Variants in NEMF observed in about 807,000 individuals in gnomAD.
The protein encoded by NEMF is nuclear export mediator factor, also known as ribosome quality control complex subunit NEMF.
Under a neutral mutation model 162.2 loss-of-function variants are expected in NEMF, and 89 were observed. The observed-to-expected ratio is 0.55, with a 90% CI of 0.46 to 0.65. The LOEUF is 0.65. Ranked by LOEUF, NEMF falls within the 30% of genes least tolerant of loss-of-function variation. The probability of loss-of-function intolerance (pLI) is 0.00; values close to 1 mark genes in which losing one functional copy is unlikely to be tolerated. For synonymous variants in NEMF, 421 were observed against 404.5 expected, an observed-to-expected ratio of 1.04 and a Z score of -0.49; for missense variants, 1,133 against 1,261.9, an observed-to-expected ratio of 0.90 and a Z score of 1.55.
intron 3 of NEMF, 92 bp downstream of exon 3, chr14:49,851,471 C>T (rs1401969727): frequency 4.8e-6 from 4 of 834,308 alleles, no homozygotes; most frequent in Non-Finnish European, 6.0e-6. Flanking sequence ...TTTATCTGCA[C>T]TTTATTCGTA....
intron 16 of NEMF, among the ~76,000 whole-genome samples, chr14:49,817,436 T>C (rs553330195): frequency 1.1e-4 from 17 of 152,022 alleles, no homozygotes; most frequent in Non-Finnish European, 2.4e-4. Context: ...CAAGACTATG[T>C]CTCAAAAAAC....
intron 25 of NEMF, among the ~76,000 whole-genome samples, chr14:49,799,060 A>T (rs1281047239): frequency 6.6e-6 from 1 of 151,110 alleles, no homozygotes; most frequent in Non-Finnish European, 1.5e-5. Context: ...CAAAAACTAT[A>T]AAAATTTTTG....
At chr14:49,795,504 T>A (rs886433603) in intron 26 of NEMF, among the ~76,000 whole-genome samples, 1 of 152,012 alleles carries the variant, frequency 6.6e-6, no homozygotes, top group Non-Finnish European at 1.5e-5. Context: ...TCAATAAATA[T>A]CAGCTCTGCT....
chr14:49,827,143 G>C (rs1238631102), intron 15 of NEMF, among the ~76,000 whole-genome samples: 1 of 152,084 alleles, frequency 6.6e-6, no homozygotes, highest in Non-Finnish European at 1.5e-5. Context: ...GTATTAAGAT[G>C]GGAAGCAACT....
intron 16 of NEMF, among the ~76,000 whole-genome samples, chr14:49,815,926 T>C (rs1322069287): frequency 6.6e-6 from 1 of 151,962 alleles, no homozygotes; most frequent in African/African-American, 2.4e-5. Context: ...ATGGCACCCC[T>C]GCACTCCAGC....
At position 49,787,979 on chromosome 14, in the gene NEMF, C is replaced by T. The variant is rs192484311; in HGVS notation, c.2895+1167G>A. Among the ~76,000 whole-genome samples, 566 of 152,092 alleles carry T rather than the reference C, an allele frequency of 3.7e-3. 3 individuals carry two copies. The highest frequency in any genetic ancestry group is 0.013 in the African/African-American group (524 of 41,510). Reference sequence around the variant, plus strand: ...TTTTTATCTGGCCTCTATTTTAAGCCGTTATTAAAAAATAAACAGGCTGGG... The same window carrying T: ...TTTTTATCTGGCCTCTATTTTAAGCTGTTATTAAAAAATAAACAGGCTGGG... On this transcript the variant is annotated intron_variant, in intron 28 of 32. Coordinates refer to ENST00000298310, the MANE Select transcript of NEMF (RefSeq NM_004713.6).
At chr14:49,791,370 C>T (rs1010699191) in intron 26 of NEMF, among the ~76,000 whole-genome samples, 2 of 152,068 alleles carry the variant, frequency 1.3e-5, no homozygotes, top group Admixed American at 6.6e-5. Context: ...AAGCATGAGC[C>T]TTCTGGGATG....
chr14:49,800,388 C>G (rs528197597), intron 23 of NEMF, 32 bp downstream of exon 23: 1 of 1,479,820 alleles, frequency 6.8e-7, no homozygotes, highest in South Asian at 1.3e-5. Flanking sequence ...TCAGCTTACA[C>G]AATAATATGT....
intron 4 of NEMF, among the ~76,000 whole-genome samples, chr14:49,842,429 G>A (rs1893260670): frequency 6.6e-6 from 1 of 151,924 alleles, no homozygotes; most frequent in African/African-American, 2.4e-5. Flanking sequence ...AAAAAGAAGG[G>A]GGAACATAAT....
chr14:49,849,544 C>T (rs1253263573), intron 3 of NEMF: 2 of 152,232 alleles, frequency 1.3e-5, no homozygotes, highest in African/African-American at 2.4e-5. Context: ...ACATTGTCTG[C>T]TCCATTGAGG....
chr14:49,852,178 A>G (rs1019197027), intron 1 of NEMF, among the ~76,000 whole-genome samples: 1 of 152,180 alleles, frequency 6.6e-6, no homozygotes, highest in Non-Finnish European at 1.5e-5. Flanking sequence ...AGGGAGAAAA[A>G]AAAAAGATAA....
At chr14:49,851,727 G>A in intron 2 of NEMF, 62 bp from the exon 3 acceptor site, 1 of 1,484,078 alleles carries the variant, frequency 6.7e-7, no homozygotes, top group South Asian at 1.2e-5. Flanking sequence ...TGCTAAACAG[G>A]CTTAAAATGT....
At chr14:49,801,762 C>G (rs569373393) in intron 22 of NEMF, among the ~76,000 whole-genome samples, 3 of 152,100 alleles carry the variant, frequency 2.0e-5, no homozygotes, top group Non-Finnish European at 4.4e-5. Context: ...TAAATCAAGC[C>G]AAATTTTCAT....
intron 16 of NEMF, among the ~76,000 whole-genome samples, chr14:49,817,996 AAC>A (rs1891803062): frequency 6.6e-6 from 1 of 152,198 alleles, no homozygotes; most frequent in Non-Finnish European, 1.5e-5. Context: ...CCTAGTCATC[AAC>A]AGAGATGTCA....
chr14:49,816,544 G>T (rs3126199), intron 16 of NEMF, among the ~76,000 whole-genome samples: 8 of 152,364 alleles, frequency 5.3e-5, no homozygotes, highest in East Asian at 3.9e-4. Context: ...ATGGTCCTAC[G>T]GATACGTGAT....
intron 4 of NEMF, among the ~76,000 whole-genome samples, chr14:49,841,774 C>T (rs1021614569): frequency 1.3e-5 from 2 of 152,038 alleles, no homozygotes; most frequent in Non-Finnish European, 2.9e-5. Context: ...GAAGTAACTC[C>T]AACACTCCAG....
At chr14:49,800,298 A>G in intron 23 of NEMF, 122 bp downstream of exon 23, 3 of 812,658 alleles carry the variant, frequency 3.7e-6, no homozygotes, top group Non-Finnish European at 3.7e-6. Flanking sequence ...AAATGTTGAA[A>G]AAGTATTAAG....
intron 16 of NEMF, chr14:49,820,249 C>T (rs985910709): frequency 5.8e-6 from 2 of 346,100 alleles, no homozygotes; most frequent in Non-Finnish European, 1.1e-5. Context: ...TGTGGCTGGC[C>T]CCCATTTCCT....
chr14:49,810,266 G>A (rs757389265), intron 18 of NEMF, among the ~76,000 whole-genome samples: 1 of 151,938 alleles, frequency 6.6e-6, no homozygotes, highest in Non-Finnish European at 1.5e-5. Flanking sequence ...TACTCGGGAG[G>A]CTGAGGCAGG....
Sources: gnomAD v4.1 joint callset for allele counts (sites outside exome capture counted in the v4.1 genomes callset) on GRCh38, gnomAD v4.1.1 for gene constraint, MANE v1.5 for transcripts, NCBI Gene and HGNC (gene_info 2026-07-23, HGNC 2026-07-21) for gene names.